The following PTPRD variants were observed in gnomAD, a reference collection of about 807,000 sequenced individuals.
PTPRD encodes receptor-type tyrosine-protein phosphatase delta.
A neutral mutation model predicts 214.5 loss-of-function variants in PTPRD; 34 were observed. The observed-to-expected ratio is 0.16, with a 90% CI of 0.12 to 0.21. The LOEUF is 0.21. Among genes scored for constraint, PTPRD ranks in the 10% least tolerant of loss-of-function variants. The pLI, the probability that PTPRD is intolerant of heterozygous loss-of-function variation, is 1.00. For synonymous variants in PTPRD, 1,128 were observed against 845.7 expected, an observed-to-expected ratio of 1.33 and a Z score of -5.79; for missense variants, 2,545 against 2,398.7, an observed-to-expected ratio of 1.06 and a Z score of -1.27.
intron 7 of PTPRD, among the ~76,000 whole-genome samples, chr9:9,669,775 A>G (rs944394861): frequency 2.6e-5 from 4 of 152,212 alleles, no homozygotes; most frequent in Admixed American, 2.0e-4. Flanking sequence ...ATGTTTAAAT[A>G]TAAACCTTTA....
In PTPRD at chr9:9,244,786, G is replaced by T. The variant is rs577798315; in HGVS notation, c.-202-61423C>A. On this transcript the variant is annotated intron_variant, in intron 9 of 45. Transcript: ENST00000381196. ...GCAACAAAAGCCAAAATTGACAAAT[G>T]GGATCTCATTAAACTAAAGAGCTTC... 2.6e-3 allele frequency among the ~76,000 whole-genome samples: 391 copies of T among 152,210 alleles called. 5 individuals carry two copies. Among genetic ancestry groups the T allele is most frequent in the East Asian group, 1.4e-3 (7 of 5,172 alleles).
At chr9:10,454,527 A>G (rs1401101272) in intron 2 of PTPRD, among the ~76,000 whole-genome samples, 1 of 151,730 alleles carries the variant, frequency 6.6e-6, no homozygotes. Context: ...TGTAACTCAC[A>G]GTAGACTATG....
intron 7 of PTPRD, among the ~76,000 whole-genome samples, chr9:9,718,066 C>A (rs10511528): frequency 2.0e-5 from 3 of 152,034 alleles, no homozygotes; most frequent in East Asian, 3.9e-4. Context: ...GCTAACTAAA[C>A]GAATTCTGCT....
chr9:9,257,156 G>A (rs2099978074), intron 9 of PTPRD, among the ~76,000 whole-genome samples: 1 of 151,916 alleles, frequency 6.6e-6, no homozygotes, highest in Non-Finnish European at 1.5e-5. Context: ...CTCCTCTTTT[G>A]TGGGGGGTAG....
At chr9:9,483,785 T>C (rs930959814) in intron 8 of PTPRD, among the ~76,000 whole-genome samples, 4 of 151,744 alleles carry the variant, frequency 2.6e-5, no homozygotes, top group Non-Finnish European at 5.9e-5. Context: ...TCTTTCTTTT[T>C]TTTTTTTTTT....
intron 7 of PTPRD, among the ~76,000 whole-genome samples, chr9:9,593,929 A>G (rs1048109372): frequency 2.0e-5 from 3 of 152,036 alleles, no homozygotes; most frequent in Non-Finnish European, 4.4e-5. Context: ...ATTTCAGAAG[A>G]TCTCAGATAT....
chr9:9,660,644 G>C (rs1220927618), intron 7 of PTPRD, among the ~76,000 whole-genome samples: 1 of 151,788 alleles, frequency 6.6e-6, no homozygotes, highest in African/African-American at 2.4e-5. Flanking sequence ...TTCTTGATTT[G>C]TCTCACCAAT....
At chr9:10,532,441 A>AAAAG (rs369431244) in intron 2 of PTPRD, 3 of 147,388 alleles carry the variant, frequency 2.0e-5, no homozygotes, top group Non-Finnish European at 4.6e-5. Context: ...TAGTGTTCCT[A>AAAAG]AAATAAATAA....
chr9:8,670,184 C>T (rs760298181), intron 12 of PTPRD, among the ~76,000 whole-genome samples: 6 of 152,084 alleles, frequency 3.9e-5, no homozygotes, highest in Non-Finnish European at 7.4e-5. Flanking sequence ...ACTTATTTAA[C>T]GAAAATCCCT....
intron 9 of PTPRD, among the ~76,000 whole-genome samples, chr9:9,302,053 T>A (rs1341633863): frequency 6.6e-6 from 1 of 151,996 alleles, no homozygotes; most frequent in African/African-American, 2.4e-5. Flanking sequence ...TTATAAAATA[T>A]CATGGCTCTT....
At chr9:9,715,206 A>G (rs1595873589) in intron 7 of PTPRD, among the ~76,000 whole-genome samples, 1 of 152,194 alleles carries the variant, frequency 6.6e-6, no homozygotes, top group Non-Finnish European at 1.5e-5. Context: ...TATGCGTACA[A>G]TTATGGTACT....
chr9:9,868,349 A>G (rs1462530853), intron 5 of PTPRD, among the ~76,000 whole-genome samples: 1 of 152,126 alleles, frequency 6.6e-6, no homozygotes, highest in Non-Finnish European at 1.5e-5. Context: ...ACAGTCCAAA[A>G]TGCTTTTCTG....
chr9:10,236,816 C>T (rs1205058437), intron 3 of PTPRD, among the ~76,000 whole-genome samples: 1 of 151,692 alleles, frequency 6.6e-6, no homozygotes, highest in Admixed American at 6.6e-5. Context: ...TTGCATAATC[C>T]AGTAACTATG....
At chr9:9,609,004 C>A (rs1479072503) in intron 7 of PTPRD, among the ~76,000 whole-genome samples, 1 of 151,760 alleles carries the variant, frequency 6.6e-6, no homozygotes, top group East Asian at 1.9e-4. Flanking sequence ...GTGATTATAC[C>A]CAATTTCTCA....
intron 37 of PTPRD, among the ~76,000 whole-genome samples, chr9:8,384,714 T>C (rs2086365224): frequency 6.6e-6 from 1 of 152,062 alleles, no homozygotes; most frequent in Non-Finnish European, 1.5e-5. Flanking sequence ...TTAGTAGAGA[T>C]GGGGTTTTTC....
intron 3 of PTPRD, among the ~76,000 whole-genome samples, chr9:10,215,416 A>G (rs1162815400): frequency 6.6e-6 from 1 of 152,148 alleles, no homozygotes; most frequent in Non-Finnish European, 1.5e-5. Flanking sequence ...GCTATTCAGT[A>G]TTCTTAGATA....
intron 2 of PTPRD, among the ~76,000 whole-genome samples, chr9:10,471,041 C>A (rs529394390): frequency 6.6e-6 from 1 of 152,016 alleles, no homozygotes; most frequent in Non-Finnish European, 1.5e-5. Context: ...CAAACTAACA[C>A]AGGAAAGAAA....
chr9:10,358,690 CAT>C (rs900962697), intron 2 of PTPRD, among the ~76,000 whole-genome samples: 11 of 151,754 alleles, frequency 7.2e-5, no homozygotes, highest in Non-Finnish European at 1.2e-4. Flanking sequence ...GAAAAGTACA[CAT>C]ATATATATAA....
At chr9:9,046,891 C>A (rs567962671) in intron 10 of PTPRD, among the ~76,000 whole-genome samples, 1 of 152,176 alleles carries the variant, frequency 6.6e-6, no homozygotes, top group African/African-American at 2.4e-5. Context: ...CACTGTTACT[C>A]AACATAGCAC....
Sources: gnomAD v4.1 joint callset for allele counts (sites outside exome capture counted in the v4.1 genomes callset) on GRCh38, gnomAD v4.1.1 for gene constraint, MANE v1.5 for transcripts, NCBI Gene and HGNC (gene_info 2026-07-23, HGNC 2026-07-21) for gene names.